Variants in CAMK2D observed in about 807,000 individuals in gnomAD.
The protein encoded by CAMK2D is calcium/calmodulin dependent protein kinase II delta, also known as calcium/calmodulin-dependent protein kinase type II subunit delta.
Under a neutral mutation model 84.0 loss-of-function variants are expected in CAMK2D, and 37 were observed. The observed-to-expected ratio is 0.44, with a 90% CI of 0.34 to 0.58. The LOEUF (loss-of-function observed/expected upper bound fraction) is 0.58, where lower values mean the gene tolerates loss of function less well. CAMK2D is among the 20% of genes least tolerant of loss of function. The pLI is 0.02. For missense variants in CAMK2D, 448 were observed against 652.5 expected (o/e 0.69, Z 3.41); for synonymous variants, 202 against 212.5 (o/e 0.95, Z 0.43).
chr4:113,681,878 A>C (rs1182836474), intron 2 of CAMK2D, among the ~76,000 whole-genome samples: 1 of 151,986 alleles, frequency 6.6e-6, no homozygotes, highest in African/African-American at 2.4e-5. Flanking sequence ...AAAAAAAAAA[A>C]CAGCCTTTTC....
intron 5 of CAMK2D, 110 bp downstream of exon 5, chr4:113,551,920 CG>C: frequency 2.0e-6 from 1 of 489,776 alleles, no homozygotes; most frequent in Admixed American, 3.6e-5. Flanking sequence ...AGAATCATCC[CG>C]GAGATCCTTA....
At chr4:113,640,839 G>A (rs1284125117) in intron 3 of CAMK2D, among the ~76,000 whole-genome samples, 1 of 152,158 alleles carries the variant, frequency 6.6e-6, no homozygotes, top group Non-Finnish European at 1.5e-5. Flanking sequence ...ACTTTTATAA[G>A]GTAGAAGGAT....
At chr4:113,544,046 C>T (rs545246698) in intron 6 of CAMK2D, among the ~76,000 whole-genome samples, 1 of 152,268 alleles carries the variant, frequency 6.6e-6, no homozygotes, top group East Asian at 1.9e-4. Flanking sequence ...CCGCCTTAAG[C>T]ACCCAATACT....
intron 2 of CAMK2D, among the ~76,000 whole-genome samples, chr4:113,749,468 C>A (rs2099612240): frequency 6.6e-6 from 1 of 152,094 alleles, no homozygotes; most frequent in South Asian, 2.1e-4. Flanking sequence ...AATCAAATAT[C>A]CTCTAAGCTA....
chr4:113,537,158 C>T (rs1319078977), intron 7 of CAMK2D, among the ~76,000 whole-genome samples, 183 bp downstream of exon 7: 3 of 152,106 alleles, frequency 2.0e-5, no homozygotes, highest in African/African-American at 7.2e-5. Flanking sequence ...TGAATTATTT[C>T]TAGATTATAT....
chr4:113,743,846 C>CT (rs559506222), intron 2 of CAMK2D, among the ~76,000 whole-genome samples: 2,183 of 147,330 alleles, frequency 0.015, 51 homozygotes, highest in African/African-American at 0.05. Context: ...ATCTTCCCTA[C>CT]TTTTTTTTTT....
intron 2 of CAMK2D, among the ~76,000 whole-genome samples, chr4:113,722,131 T>C (rs907459949): frequency 5.3e-5 from 8 of 151,920 alleles, no homozygotes; most frequent in African/African-American, 1.4e-4. Context: ...TAAGAGAGTA[T>C]AGAAAAAGTT....
intron 4 of CAMK2D, among the ~76,000 whole-genome samples, chr4:113,586,196 C>T (rs2098833480): frequency 6.6e-6 from 1 of 152,178 alleles, no homozygotes; most frequent in African/African-American, 2.4e-5. Flanking sequence ...ATGAACTATA[C>T]AACTCAATTT....
intron 4 of CAMK2D, among the ~76,000 whole-genome samples, chr4:113,578,554 C>T (rs1468885618): frequency 6.6e-6 from 1 of 152,154 alleles, no homozygotes; most frequent in African/African-American, 2.4e-5. Context: ...AATGTTTCAG[C>T]TAGTTTTGCT....
chr4:113,626,128 T>C (rs939944958), intron 3 of CAMK2D, among the ~76,000 whole-genome samples: 4 of 152,042 alleles, frequency 2.6e-5, no homozygotes, highest in African/African-American at 9.7e-5. Flanking sequence ...AGACAGGAAC[T>C]GCTGAGAGAG....
chr4:113,632,835 T>C (rs371819907), intron 3 of CAMK2D, among the ~76,000 whole-genome samples: 3 of 152,186 alleles, frequency 2.0e-5, no homozygotes, highest in South Asian at 2.1e-4. Flanking sequence ...ATCCAATACT[T>C]AGGTCCTTGT....
intron 2 of CAMK2D, among the ~76,000 whole-genome samples, chr4:113,698,169 T>C (rs2099408443): frequency 6.6e-6 from 1 of 152,124 alleles, no homozygotes; most frequent in East Asian, 1.9e-4. Flanking sequence ...ATGTAATTTA[T>C]TGAATACTAC....
At chr4:113,557,954 G>A (rs2098676395) in intron 4 of CAMK2D, among the ~76,000 whole-genome samples, 1 of 152,168 alleles carries the variant, frequency 6.6e-6, no homozygotes, top group African/African-American at 2.4e-5. Context: ...CCCTGATGGG[G>A]CATTAGGCTT....
chr4:113,713,268 T>C (rs2099499867), intron 2 of CAMK2D, among the ~76,000 whole-genome samples: 1 of 151,772 alleles, frequency 6.6e-6, no homozygotes, highest in African/African-American at 2.4e-5. Context: ...CTTGAGTATA[T>C]GAATGAAAAT....
intron 2 of CAMK2D, among the ~76,000 whole-genome samples, chr4:113,758,842 T>G (rs1204736942): frequency 6.6e-6 from 1 of 152,166 alleles, no homozygotes; most frequent in Non-Finnish European, 1.5e-5. Flanking sequence ...AATCATAAAT[T>G]TTCTTACCAA....
In CAMK2D at chr4:113,711,113, A is replaced by C. The variant is rs182507075; in HGVS notation, c.160+48207T>G. On this transcript the variant is annotated intron_variant, in intron 2 of 20. Coordinates refer to ENST00000511664, the MANE Select transcript of CAMK2D (RefSeq NM_001321571.2). ...TTAGATTTCAATGAATTTACAAAAA[A>C]TATAAATTTATTATATTTTATTAAA... 2.1e-3 allele frequency among the ~76,000 whole-genome samples: 317 copies of C among 149,578 alleles called. 1 individual carries two copies. The highest frequency in any genetic ancestry group is 7.4e-3 in the African/African-American group (304 of 41,166).
rs575089946 is a variant in CAMK2D, at chr4:113,476,047, ATAAT to A, written c.1136-10447_1136-10444del. Among the ~76,000 whole-genome samples, 47 of 152,360 alleles carry A rather than the reference ATAAT, an allele frequency of 3.1e-4. 1 individual carries two copies. The highest frequency in any genetic ancestry group is 1.1e-3 in the African/African-American group (45 of 41,582). On this transcript the variant is annotated intron_variant, in intron 16 of 20. Coordinates refer to ENST00000511664, the MANE Select transcript of CAMK2D (RefSeq NM_001321571.2). ...GAAAAAAGTTTATAATACAAATAAA[ATAAT>A]TAAGGAGAATTTTTCCAATTTGGAA... is the stretch of plus-strand genomic sequence containing the variant.
At chr4:113,601,683 CTTTTTTTTTTTT>C (rs755850795) in intron 4 of CAMK2D, among the ~76,000 whole-genome samples, 22 of 45,838 alleles carry the variant, frequency 4.8e-4, no homozygotes, top group African/African-American at 1.7e-3. Context: ...ACTGTTTATT[CTTTTTTTTTTTT>C]TTTTTTTTTT....
intron 2 of CAMK2D, among the ~76,000 whole-genome samples, chr4:113,748,347 A>G (rs1012501460): frequency 7.9e-5 from 12 of 152,006 alleles, no homozygotes; most frequent in African/African-American, 2.9e-4. Context: ...TTAAAATTCA[A>G]TTTCTCGCTC....
Sources: allele counts gnomAD v4.1 joint callset (sites outside exome capture counted in the v4.1 genomes callset), GRCh38; gene constraint gnomAD v4.1.1; transcripts MANE v1.5; gene names NCBI Gene and HGNC (gene_info 2026-07-23, HGNC 2026-07-21).